The following NFIB variants were observed in gnomAD, a reference collection of about 807,000 sequenced individuals.
NFIB encodes the protein nuclear factor 1 B-type.
In NFIB, 11 loss-of-function variants were observed where a neutral mutation model predicts 61.5. The observed-to-expected ratio is 0.18, with a 90% CI of 0.11 to 0.30. NFIB has a LOEUF of 0.30. Ranked by LOEUF, NFIB falls within the 10% of genes least tolerant of loss-of-function variation. NFIB has a pLI of 1.00. For missense variants in NFIB, 471 were observed against 608.9 expected (o/e 0.77, Z 2.38); for synonymous variants, 260 against 216.5 (o/e 1.20, Z -1.76).
At chr9:14,506,597 A>C in the NFIB span, among the ~76,000 whole-genome samples, 1 of 152,150 alleles carries the variant, frequency 6.6e-6, no homozygotes, top group Non-Finnish European at 1.5e-5. Flanking sequence ...AAATATGGAG[A>C]GATGCTGGAA....
chr9:14,247,512 G>A (rs991441876), intron 2 of NFIB, among the ~76,000 whole-genome samples: 1 of 152,324 alleles, frequency 6.6e-6, no homozygotes, highest in Non-Finnish European at 1.5e-5. Context: ...TACATGGCAC[G>A]TCTCTGCACT....
At chr9:14,490,766 A>G in the NFIB span, among the ~76,000 whole-genome samples, 1 of 152,220 alleles carries the variant, frequency 6.6e-6, no homozygotes, top group Non-Finnish European at 1.5e-5. Context: ...TTACTATCCA[A>G]CGCTACCACG....
At chr9:14,371,392 G>A (rs2061357284) in intron 1 of NFIB, among the ~76,000 whole-genome samples, 1 of 152,160 alleles carries the variant, frequency 6.6e-6, no homozygotes. Context: ...GTTTTCAGTG[G>A]TATTATAGGA....
chr9:14,453,195 A>G, the NFIB span, among the ~76,000 whole-genome samples: 1 of 152,208 alleles, frequency 6.6e-6, no homozygotes, highest in African/African-American at 2.4e-5. Context: ...GATCACTGAA[A>G]TGACTCCCAG....
chr9:14,453,156 C>G, the NFIB span, among the ~76,000 whole-genome samples: 3 of 152,214 alleles, frequency 2.0e-5, no homozygotes, highest in Non-Finnish European at 4.4e-5. Context: ...GACACTTGGT[C>G]TTCTCTGACT....
chr9:14,450,479 C>T, the NFIB span, among the ~76,000 whole-genome samples: 1 of 152,256 alleles, frequency 6.6e-6, no homozygotes, highest in East Asian at 1.9e-4. Flanking sequence ...ATTTATCACC[C>T]TTTCTTAGAA....
Position 14,088,226 on chromosome 9 carries a change from G to T in NFIB, c.*83C>A. The T allele has an allele frequency of 2.6e-6, 4 of 1,558,890 alleles. No homozygotes were observed. The highest frequency in any genetic ancestry group is 1.4e-5 in the African/African-American group (1 of 73,394). ...TTGCTTGTTTCTGCTTGAAGGAAAG[G>T]TTCTCCAATTATGTTCAAACCGTAA... On this transcript the variant is annotated 3_prime_UTR_variant, in exon 11 of 11. Coordinates refer to ENST00000380953, the MANE Select transcript of NFIB (RefSeq NM_001190737.2).
At chr9:14,414,548 C>T in the NFIB span, among the ~76,000 whole-genome samples, 1 of 137,880 alleles carries the variant, frequency 7.3e-6, no homozygotes, top group African/African-American at 2.7e-5. Context: ...TGTTTAGTGA[C>T]CGTAAGTAGA....
intron 3 of NFIB, among the ~76,000 whole-genome samples, chr9:14,161,714 A>C (rs979129698): frequency 1.3e-5 from 2 of 152,176 alleles, no homozygotes. Flanking sequence ...AAAATATAAT[A>C]AACAAATAGC....
chr9:14,281,002 G>A (rs1480693400), intron 2 of NFIB, among the ~76,000 whole-genome samples: 6 of 152,110 alleles, frequency 3.9e-5, no homozygotes, highest in Non-Finnish European at 8.8e-5. Flanking sequence ...AGCTCTTTGT[G>A]CCACAATATG....
intron 1 of NFIB, among the ~76,000 whole-genome samples, chr9:14,382,951 T>C (rs553550875): frequency 2.6e-5 from 4 of 152,168 alleles, no homozygotes; most frequent in African/African-American, 9.6e-5. Context: ...TCAGGCTGGG[T>C]ATCTGGAAGC....
the NFIB span, among the ~76,000 whole-genome samples, chr9:14,523,105 G>A: frequency 2.6e-5 from 4 of 151,994 alleles, no homozygotes; most frequent in Non-Finnish European, 5.9e-5. Flanking sequence ...TTTTTTTCAG[G>A]GGCCTCCAGA....
chr9:14,524,076 G>A, the NFIB span, among the ~76,000 whole-genome samples: 2,750 of 152,206 alleles, frequency 0.018, 101 homozygotes, highest in African/African-American at 0.062. Flanking sequence ...AGTAAAATGG[G>A]ATAGCAGCAG....
intron 10 of NFIB, among the ~76,000 whole-genome samples, chr9:14,099,953 T>A (rs2035476867): frequency 6.6e-6 from 1 of 152,054 alleles, no homozygotes; most frequent in African/African-American, 2.4e-5. Context: ...ACGCCTGTAA[T>A]CCCAGCTACT....
At chr9:14,344,086 AAGAGAGGGAG>A (rs1444737911) in intron 1 of NFIB, among the ~76,000 whole-genome samples, 2 of 145,280 alleles carry the variant, frequency 1.4e-5, no homozygotes, top group Non-Finnish European at 3.0e-5. Context: ...AGGACCTTTA[AAGAGAGGGAG>A]AGAGAGAGAG....
Position 14,370,128 on chromosome 9 carries a change from G to T in NFIB, c.108+28396C>A, listed in dbSNP as rs552901521. 8.5e-5 allele frequency among the ~76,000 whole-genome samples: 13 copies of T among 152,254 alleles called. No individual in the cohort carries two copies. In the East Asian group the frequency reaches 2.3e-3, roughly 27 times the overall value. ...TGCCTCCCTTCAAGCAGCTTTCTCTGCCTAGAATAACCTTCACCTCCTTAC... is the reference window on the plus strand; with the variant it reads ...TGCCTCCCTTCAAGCAGCTTTCTCTTCCTAGAATAACCTTCACCTCCTTAC... On this transcript the variant is annotated intron_variant, in intron 1 of 8. Coordinates refer to the NFIB transcript ENST00000380934.
the NFIB span, among the ~76,000 whole-genome samples, chr9:14,408,432 T>C: frequency 6.6e-6 from 1 of 152,166 alleles, no homozygotes; most frequent in Non-Finnish European, 1.5e-5. Flanking sequence ...TTCTTCCCCA[T>C]GGTACCATAT....
the NFIB span, among the ~76,000 whole-genome samples, chr9:14,525,980 C>T: frequency 6.6e-5 from 10 of 152,070 alleles, no homozygotes; most frequent in African/African-American, 2.4e-4. Context: ...CCAGGTGCCT[C>T]GCCGACTCCA....
chr9:14,375,973 C>T (rs1450242735), intron 1 of NFIB, among the ~76,000 whole-genome samples: 2 of 152,210 alleles, frequency 1.3e-5, no homozygotes, highest in Non-Finnish European at 2.9e-5. Flanking sequence ...GTCTGCTGTG[C>T]ATTATCTCAG....
Sources: gnomAD v4.1 joint callset for allele counts (sites outside exome capture counted in the v4.1 genomes callset) on GRCh38, gnomAD v4.1.1 for gene constraint, MANE v1.5 for transcripts, NCBI Gene and HGNC (gene_info 2026-07-23, HGNC 2026-07-21) for gene names.